Variants in ULK4 observed in about 807,000 individuals in gnomAD.
ULK4 encodes the protein inactive serine/threonine-protein kinase ULK4.
Under a neutral mutation model 160.6 loss-of-function variants are expected in ULK4, and 133 were observed. The observed-to-expected ratio is 0.83, with a 90% CI of 0.72 to 0.96. The LOEUF is 0.96. Among genes scored for constraint, ULK4 ranks in the 40% least tolerant of loss-of-function variants. The probability of loss-of-function intolerance (pLI) is 0.00; values close to 1 mark genes in which losing one functional copy is unlikely to be tolerated. For synonymous variants in ULK4, 534 were observed against 539.8 expected (o/e 0.99, Z 0.15); for missense variants, 1,580 against 1,499.5 (o/e 1.05, Z -0.89).
intron 21 of ULK4, chr3:41,766,697 T>C (rs1354061053): frequency 6.6e-6 from 1 of 152,240 alleles, no homozygotes; most frequent in African/African-American, 2.4e-5. Flanking sequence ...TTTAAGAGCA[T>C]GTTTGGAGAT....
chr3:41,417,506 T>G (rs1559585726), intron 34 of ULK4, among the ~76,000 whole-genome samples: 1 of 152,064 alleles, frequency 6.6e-6, no homozygotes, highest in Admixed American at 6.6e-5. Flanking sequence ...TAGCCTAGTA[T>G]AGGGGAAAAC....
At chr3:41,847,862 T>C (rs2042108784) in intron 17 of ULK4, among the ~76,000 whole-genome samples, 1 of 152,172 alleles carries the variant, frequency 6.6e-6, no homozygotes, top group Admixed American at 6.5e-5. Flanking sequence ...TTCACAAGTG[T>C]TGGTTAAAAA....
At chr3:41,612,000 A>G (rs2032703329) in intron 31 of ULK4, among the ~76,000 whole-genome samples, 1 of 149,824 alleles carries the variant, frequency 6.7e-6, no homozygotes, top group African/African-American at 2.6e-5. Context: ...GATCAAAAAT[A>G]TTCAGAAAAA....
chr3:41,548,577 C>T (rs1795360), intron 32 of ULK4, among the ~76,000 whole-genome samples: 76,967 of 151,146 alleles, frequency 0.51, 19,671 homozygotes, highest in Middle Eastern at 0.57. Flanking sequence ...CATCAGCATA[C>T]GCCACATGGG....
chr3:41,254,880 C>T (rs2078804146), intron 35 of ULK4, among the ~76,000 whole-genome samples: 1 of 145,572 alleles, frequency 6.9e-6, no homozygotes, highest in South Asian at 2.1e-4. Context: ...GAGACTCCAT[C>T]TCAAAAAAAA....
In ULK4 at chr3:41,402,095, T is replaced by G. The variant is rs547974741; in HGVS notation, c.3493-3831A>C. 2.0e-5 allele frequency among the ~76,000 whole-genome samples: 3 copies of G among 152,328 alleles called. No homozygotes were observed. The East Asian group carries it at 5.8e-4, about 29-fold the overall frequency. On this transcript the variant is annotated intron_variant, in intron 34 of 36. Coordinates refer to ENST00000301831, the MANE Select transcript of ULK4 (RefSeq NM_017886.4). ...TACTCTTGTTTCTTCTGGAATCTAT[T>G]AATTGTTAGTATACAGAAATAAAAT... is the stretch of plus-strand genomic sequence containing the variant.
At chr3:41,827,188 A>C (rs1489473353) in intron 18 of ULK4, among the ~76,000 whole-genome samples, 1 of 145,402 alleles carries the variant, frequency 6.9e-6, no homozygotes, top group African/African-American at 2.6e-5. Flanking sequence ...ATAGCACTAA[A>C]TGCCCACAAG....
chr3:41,910,314 A>G (rs757058007), intron 11 of ULK4, among the ~76,000 whole-genome samples: 20 of 152,218 alleles, frequency 1.3e-4, no homozygotes, highest in Non-Finnish European at 2.5e-4. Context: ...GTATTAAAAG[A>G]AAGGCTGGGC....
At chr3:41,564,219 C>G (rs1459247695) in intron 32 of ULK4, among the ~76,000 whole-genome samples, 1 of 152,086 alleles carries the variant, frequency 6.6e-6, no homozygotes, top group Non-Finnish European at 1.5e-5. Flanking sequence ...TAATGCAGAA[C>G]AGCAAATATT....
intron 17 of ULK4, among the ~76,000 whole-genome samples, chr3:41,870,905 C>A (rs188671680): frequency 6.6e-6 from 1 of 152,262 alleles, no homozygotes; most frequent in East Asian, 1.9e-4. Flanking sequence ...AGGGTGGGAC[C>A]AGGTGGAGGT....
At chr3:41,352,923 G>C (rs1478346346) in intron 35 of ULK4, among the ~76,000 whole-genome samples, 2 of 152,196 alleles carry the variant, frequency 1.3e-5, no homozygotes. Context: ...TTAAGCAAAA[G>C]AGAGCAGTAC....
chr3:41,459,073 A>G (rs191093338), intron 33 of ULK4, among the ~76,000 whole-genome samples: 1 of 151,062 alleles, frequency 6.6e-6, no homozygotes, highest in Admixed American at 6.6e-5. Context: ...ATTTTTTGAG[A>G]TGGAGTCTCG....
At chr3:41,846,235 TG>T (rs2125668477) in intron 17 of ULK4, among the ~76,000 whole-genome samples, 1 of 152,226 alleles carries the variant, frequency 6.6e-6, no homozygotes, top group Admixed American at 6.5e-5. Flanking sequence ...TTCCATTTGC[TG>T]TATTACAAAT....
chr3:41,687,015 C>T (rs895518411), intron 27 of ULK4, among the ~76,000 whole-genome samples: 4 of 151,838 alleles, frequency 2.6e-5, no homozygotes, highest in Non-Finnish European at 5.9e-5. Context: ...CCCAGGAATT[C>T]GAGGTTACAG....
rs2042447198 is a variant in ULK4 at position 41,859,498 on chromosome 3, T to A, written c.1657-23527A>T. ...CAATATGGTAATGATAACTTCCCAG[T>A]AAGGACCCTTAGGGATAAACCAAGG... On this transcript the variant is annotated intron_variant, in intron 17 of 36. Coordinates refer to ENST00000301831, the MANE Select transcript of ULK4 (RefSeq NM_017886.4). 13 of 547,730 alleles carry A rather than the reference T, an allele frequency of 2.4e-5. 1 individual carries two copies. Among genetic ancestry groups the A allele is most frequent in the South Asian group, 1.4e-4 (10 of 72,494 alleles). The allele number at this position is 547,730 out of a possible 1,614,324, so 33.9% of individuals were successfully genotyped here. A position where few individuals can be genotyped will look rare whatever the true frequency, so the allele number is the denominator to read the frequency against.
At chr3:41,844,481 G>A (rs1187540272) in intron 17 of ULK4, among the ~76,000 whole-genome samples, 1 of 152,176 alleles carries the variant, frequency 6.6e-6, no homozygotes, top group Non-Finnish European at 1.5e-5. Flanking sequence ...CCAAGCCCAT[G>A]CCCACCCAGA....
chr3:41,931,719 G>A, intron 5 of ULK4, 125 bp downstream of exon 5: 1 of 1,178,142 alleles, frequency 8.5e-7, no homozygotes, highest in Non-Finnish European at 1.2e-6. Context: ...TATGTCTGCT[G>A]GTCATTACCA....
intron 29 of ULK4, among the ~76,000 whole-genome samples, chr3:41,673,515 A>G (rs182941325): frequency 5.9e-5 from 9 of 152,282 alleles, no homozygotes; most frequent in Non-Finnish European, 8.8e-5. Flanking sequence ...TTATGAAGTT[A>G]TTATGGCCCT....
intron 35 of ULK4, among the ~76,000 whole-genome samples, chr3:41,369,088 CTAA>C (rs1414419876): frequency 6.6e-6 from 1 of 152,158 alleles, no homozygotes; most frequent in Non-Finnish European, 1.5e-5. Flanking sequence ...ATGAATACAA[CTAA>C]TAATAACATT....
Sources: allele counts gnomAD v4.1 joint callset (sites outside exome capture counted in the v4.1 genomes callset), GRCh38; gene constraint gnomAD v4.1.1; transcripts MANE v1.5; gene names NCBI Gene and HGNC (gene_info 2026-07-23, HGNC 2026-07-21).